Variants in TBXAS1 observed in about 807,000 individuals in gnomAD.
TBXAS1 encodes the protein thromboxane A synthase 1.
TBXAS1 carries 48 observed loss-of-function variants against 60.7 expected under a neutral mutation model. The observed-to-expected ratio is 0.79, with a 90% CI of 0.63 to 1.01. The LOEUF (loss-of-function observed/expected upper bound fraction) is 1.01. TBXAS1 is among the 50% of genes least tolerant of loss of function. TBXAS1 has a pLI of 0.00. For synonymous variants in TBXAS1, 287 were observed against 269.7 expected, an observed-to-expected ratio of 1.06 and a Z score of -0.63; for missense variants, 685 against 686.3, an observed-to-expected ratio of 1.00 and a Z score of 0.02.
Position 139,964,721 on chromosome 7 carries a change from G to A in TBXAS1, c.1134+2488G>A, listed in dbSNP as rs1009001599. 3.3e-5 allele frequency among the ~76,000 whole-genome samples: 5 copies of A among 152,306 alleles called. No homozygotes were observed. The South Asian group carries it at 6.2e-4, about 19-fold the overall frequency. Reference sequence around the variant, plus strand: ...GTCCTCATCTTGCGGGAATTCCATCGCCAATTGAGAAGCAATGTTATGTCT... The same window carrying A: ...GTCCTCATCTTGCGGGAATTCCATCACCAATTGAGAAGCAATGTTATGTCT... On this transcript the variant is annotated intron_variant, in intron 9 of 12. Coordinates refer to ENST00000448866, the MANE Select transcript of TBXAS1 (RefSeq NM_001061.7).
chr7:139,951,958 G>GA (rs1335072351), intron 5 of TBXAS1, among the ~76,000 whole-genome samples: 5 of 95,096 alleles, frequency 5.3e-5, no homozygotes, highest in African/African-American at 8.8e-5. Context: ...AGAAAAGAAA[G>GA]AAAGAAAGAA....
chr7:139,918,774 C>T lies in TBXAS1; in HGVS notation c.333+7453C>T, dbSNP rs8192830. Among the ~76,000 whole-genome samples, 3 of 152,082 alleles carry T rather than the reference C, an allele frequency of 2.0e-5. No homozygotes were observed. The East Asian group carries it at 5.8e-4, about 29-fold the overall frequency. ...AAATTTGTTTTTAGCCACCACATGC[C>T]CCTGAGCTGACCCCTCGAGCTGTGG... On this transcript the variant is annotated intron_variant, in intron 4 of 12. Transcript: ENST00000448866.
chr7:139,826,701 T>G (rs2116461251), upstream of TBXAS1, among the ~76,000 whole-genome samples: 1 of 152,262 alleles, frequency 6.6e-6, no homozygotes, highest in Admixed American at 6.5e-5. Context: ...GGTGTGTGTA[T>G]GAGGATTAAA....
Position 139,999,488 on chromosome 7 carries a change from C to A in TBXAS1, c.1135-7603C>A, listed in dbSNP as rs577241704. 5.1e-4 allele frequency among the ~76,000 whole-genome samples: 78 copies of A among 152,300 alleles called. No individual in the cohort carries two copies. Among genetic ancestry groups the A allele is most frequent in the Non-Finnish European group, 9.0e-4 (61 of 68,038 alleles). On this transcript the variant is annotated intron_variant, in intron 9 of 12. Transcript: ENST00000448866. This position sits in a 1 kb window ranked among gnomAD's most constrained non-coding sequence, Gnocchi z 4.3. Reference sequence around the variant, plus strand: ...GCAGTGAGCCGAGATTGTACCATTGCACTCCAGCCTGGGGGATAGAGCAAG... The same window carrying A: ...GCAGTGAGCCGAGATTGTACCATTGAACTCCAGCCTGGGGGATAGAGCAAG...
rs1585064470 is a variant in TBXAS1, at chr7:140,015,949, G to A, written c.1364+89G>A. The A allele has an allele frequency of 4.4e-6, 7 of 1,584,624 alleles. No individual in the cohort carries two copies. The East Asian group carries it at 1.1e-4, about 25-fold the overall frequency. The stretch of plus-strand genomic sequence containing the variant: ...GTGGAGGCAGCAGCCGGGAGGCACA[G>A]ACTTAGCAAAATTGTCCCCAAATAG... On this transcript the variant is annotated intron_variant, in intron 11 of 12. Coordinates refer to ENST00000448866, the MANE Select transcript of TBXAS1 (RefSeq NM_001061.7).
At chr7:139,942,081 A>G (rs1584911164) in intron 5 of TBXAS1, among the ~76,000 whole-genome samples, 1 of 152,252 alleles carries the variant, frequency 6.6e-6, no homozygotes, top group Non-Finnish European at 1.5e-5. Context: ...CAAAAGTGGC[A>G]GGTAACCTTC....
chr7:139,953,190 A>ATT (rs939950724), intron 5 of TBXAS1, among the ~76,000 whole-genome samples, 178 bp from the exon 6 acceptor site: 2 of 152,198 alleles, frequency 1.3e-5, no homozygotes, highest in African/African-American at 4.8e-5. Context: ...GAGCTATTGT[A>ATT]TTTTATGAAT....
chr7:139,789,129 C>T (rs1797294625), intron 4 of TBXAS1: 1 of 152,178 alleles, frequency 6.6e-6, no homozygotes, highest in African/African-American at 2.4e-5. Flanking sequence ...TTAGCACCCC[C>T]ACTAGATATA....
At position 139,865,742 on chromosome 7, in the gene TBXAS1, A is replaced by C. The variant is rs1304386339; in HGVS notation, c.90-6493A>C. Among the ~76,000 whole-genome samples, 3 of 127,680 alleles carry C rather than the reference A, an allele frequency of 2.3e-5. No homozygotes were observed. The East Asian group carries it at 8.2e-4, about 35-fold the overall frequency. 83.8% of individuals were successfully genotyped at this position (127,680 alleles called of 152,430 possible). A position where few individuals can be genotyped will look rare whatever the true frequency, so the allele number is the denominator to read the frequency against. ...GAGGAGGAGGAGGAAGAGGAGGAGGAGGAAGAGGAGGAGGAAGGGAGGGAG... is the reference window on the plus strand; with the variant it reads ...GAGGAGGAGGAGGAAGAGGAGGAGGCGGAAGAGGAGGAGGAAGGGAGGGAG... On this transcript the variant is annotated intron_variant, in intron 1 of 12. Transcript: ENST00000448866.
intron 9 of TBXAS1, among the ~76,000 whole-genome samples, chr7:139,963,961 AG>A (rs1810572783): frequency 6.6e-6 from 1 of 152,186 alleles, no homozygotes; most frequent in African/African-American, 2.4e-5. Context: ...AAGCCTGTCA[AG>A]AGTGTCTGGG....
At chr7:139,973,011 G>T (rs1811321773) in intron 9 of TBXAS1, among the ~76,000 whole-genome samples, 1 of 151,988 alleles carries the variant, frequency 6.6e-6, no homozygotes, top group Non-Finnish European at 1.5e-5. Flanking sequence ...GGGGTCGGTG[G>T]AGTCAAAGAG....
chr7:140,012,089 C>T (rs550454333), intron 10 of TBXAS1, among the ~76,000 whole-genome samples: 183 of 152,224 alleles, frequency 1.2e-3, no homozygotes, highest in Middle Eastern at 3.4e-3. Context: ...AGCCCGTGTA[C>T]GGGATTCATT....
chr7:139,809,046 A>G (rs1044969752), intron 4 of TBXAS1, among the ~76,000 whole-genome samples: 4 of 151,720 alleles, frequency 2.6e-5, no homozygotes, highest in African/African-American at 9.7e-5. Flanking sequence ...AGTTTTAAGT[A>G]TAAATTGTTT....
chr7:139,875,629 T>C lies in TBXAS1; in HGVS notation c.228T>C (p.Pro76=). ...TGGAGCTCAGAAAGCTGTATGGACC[T>C]CTGTGTGGGTAAGAAGGAAACTCAA... The part of the protein sequence containing the change: ...SQMELRKLYG[P]LCGYYLGRRM... Residue 76 remains proline (P), a synonymous_variant, in exon 3 of 13, where the codon CCT becomes CCC. Coordinates refer to ENST00000448866, the MANE Select transcript of TBXAS1 (RefSeq NM_001061.7). The C allele has an allele frequency of 1.9e-6, 3 of 1,612,728 alleles. No individual in the cohort carries two copies. Among genetic ancestry groups the C allele is most frequent in the South Asian group, 2.2e-5 (2 of 91,090 alleles).
rs894456245 is a variant in TBXAS1, at chr7:139,812,292, A to G, written c.-79-17020A>G. On this transcript the variant is annotated intron_variant, in intron 4 of 16. Coordinates refer to the TBXAS1 transcript ENST00000336425. The stretch of plus-strand genomic sequence containing the variant: ...ATACACACAAATGAGGGGAGACAAT[A>G]TCAACCCCACAATGTTGGGGTGAAC... Among the ~76,000 whole-genome samples, 7 of 152,372 alleles carry G rather than the reference A, an allele frequency of 4.6e-5. No homozygotes were observed. In the South Asian group the frequency reaches 1.5e-3, roughly 32 times the overall value.
chr7:139,952,155 T>A (rs1480314363), intron 5 of TBXAS1, among the ~76,000 whole-genome samples: 1 of 152,160 alleles, frequency 6.6e-6, no homozygotes, highest in African/African-American at 2.4e-5. Context: ...CAAAAGATTG[T>A]TAGACGAAGT....
intron 1 of TBXAS1, among the ~76,000 whole-genome samples, chr7:139,865,079 T>G (rs994932936): frequency 1.3e-5 from 2 of 152,190 alleles, no homozygotes; most frequent in African/African-American, 4.8e-5. Flanking sequence ...CGTGAGTGAG[T>G]GTGCATCAGA....
intron 1 of TBXAS1, among the ~76,000 whole-genome samples, chr7:139,867,764 C>T (rs568031538): frequency 6.6e-6 from 1 of 152,224 alleles, no homozygotes; most frequent in African/African-American, 2.4e-5. Flanking sequence ...TTGCAGTGAA[C>T]TGAGATTGTG....
intron 3 of TBXAS1, among the ~76,000 whole-genome samples, chr7:139,886,744 T>C (rs898956517): frequency 1.3e-5 from 2 of 152,084 alleles, no homozygotes; most frequent in Non-Finnish European, 2.9e-5. Flanking sequence ...CCTTTGAAGA[T>C]TGCTTGTAAC....
Sources: gnomAD v4.1 joint callset for allele counts (sites outside exome capture counted in the v4.1 genomes callset) on GRCh38, gnomAD v4.1.1 for gene constraint, Gnocchi (gnomAD v3.1) non-coding constraint, MANE v1.5 for transcripts, NCBI Gene and HGNC (gene_info 2026-07-23, HGNC 2026-07-21) for gene names.